Variants in FHIT observed in about 807,000 individuals in gnomAD.
FHIT encodes the protein bis(5'-adenosyl)-triphosphatase.
In FHIT, 19 loss-of-function variants were observed where a neutral mutation model predicts 17.9. The ratio of observed to expected loss-of-function variants is 1.06; its 90% confidence interval spans 0.74 to 1.56. The LOEUF is 1.56. FHIT is among the 40% of genes most tolerant of loss of function. The probability of loss-of-function intolerance (pLI) is 0.00; values close to 1 mark genes in which losing one functional copy is unlikely to be tolerated. For missense variants in FHIT, 248 were observed against 189.2 expected, an observed-to-expected ratio of 1.31 and a Z score of -1.82; for synonymous variants, 81 against 69.7, an observed-to-expected ratio of 1.16 and a Z score of -0.81.
At chr3:60,441,478 C>A (rs528736115) in intron 5 of FHIT, among the ~76,000 whole-genome samples, 1 of 151,746 alleles carries the variant, frequency 6.6e-6, no homozygotes, top group South Asian at 2.1e-4. Flanking sequence ...AATTTATCAT[C>A]TCAAACTTCT....
intron 5 of FHIT, among the ~76,000 whole-genome samples, chr3:60,051,870 A>C (rs562898268): frequency 5.3e-5 from 8 of 152,292 alleles, no homozygotes; most frequent in African/African-American, 1.9e-4. Context: ...ACAACTGCCT[A>C]ATCTGGGAAG....
At chr3:60,726,798 TG>T (rs2107976891) in intron 4 of FHIT, among the ~76,000 whole-genome samples, 1 of 152,268 alleles carries the variant, frequency 6.6e-6, no homozygotes, top group Admixed American at 6.5e-5. Flanking sequence ...ATGTGTAAAG[TG>T]CTAATTGACC....
chr3:60,122,262 G>A (rs1705293551), intron 5 of FHIT, among the ~76,000 whole-genome samples: 1 of 152,132 alleles, frequency 6.6e-6, no homozygotes, highest in Non-Finnish European at 1.5e-5. Context: ...ACAAAGAGTT[G>A]CTTACAACCA....
At chr3:60,522,109 T>C (rs576317137) in intron 5 of FHIT, among the ~76,000 whole-genome samples, 3 of 150,022 alleles carry the variant, frequency 2.0e-5, no homozygotes, top group African/African-American at 7.3e-5. Flanking sequence ...ACCAGAAGTT[T>C]TTTTTTTTTT....
At chr3:61,026,219 T>A (rs2032723841) in intron 3 of FHIT, among the ~76,000 whole-genome samples, 1 of 151,808 alleles carries the variant, frequency 6.6e-6, no homozygotes, top group Non-Finnish European at 1.5e-5. Flanking sequence ...GGTAAAGGAG[T>A]CAGCTTTGTA....
intron 5 of FHIT, among the ~76,000 whole-genome samples, chr3:60,374,110 T>C (rs1700446572): frequency 6.6e-6 from 1 of 152,206 alleles, no homozygotes; most frequent in Admixed American, 6.5e-5. Flanking sequence ...ATAACACATA[T>C]ATGACATTTG....
chr3:60,988,959 A>C (rs1252924096), intron 3 of FHIT, among the ~76,000 whole-genome samples: 5 of 147,770 alleles, frequency 3.4e-5, no homozygotes, highest in East Asian at 2.0e-4. Context: ...AAAAAAAAAA[A>C]AAAAAAAAAA....
chr3:61,090,857 G>A (rs867578200), intron 2 of FHIT, among the ~76,000 whole-genome samples: 17 of 152,038 alleles, frequency 1.1e-4, no homozygotes, highest in South Asian at 2.1e-4. Context: ...TTATTGTCAG[G>A]CACCAAAAGA....
intron 3 of FHIT, among the ~76,000 whole-genome samples, chr3:60,898,255 T>C (rs532014355): frequency 2.6e-5 from 4 of 152,210 alleles, no homozygotes; most frequent in Non-Finnish European, 5.9e-5. Flanking sequence ...AGACATAAAA[T>C]ATTGAACCAA....
chr3:61,166,583 G>A (rs1211227899), intron 2 of FHIT, among the ~76,000 whole-genome samples: 1 of 152,188 alleles, frequency 6.6e-6, no homozygotes, highest in Non-Finnish European at 1.5e-5. Context: ...TCTGCTGTAT[G>A]TTTGTTTGAT....
intron 5 of FHIT, among the ~76,000 whole-genome samples, chr3:60,520,803 G>C (rs1317129105): frequency 6.6e-6 from 1 of 152,036 alleles, no homozygotes; most frequent in Non-Finnish European, 1.5e-5. Context: ...AACCCCCTGA[G>C]GGTTTAATTT....
chr3:60,388,478 C>T (rs1028790335), intron 5 of FHIT, among the ~76,000 whole-genome samples: 8 of 152,004 alleles, frequency 5.3e-5, no homozygotes, highest in African/African-American at 1.7e-4. Context: ...GGTCACATGC[C>T]TGTAGACCCA....
chr3:60,288,149 G>C (rs1050974314), intron 5 of FHIT, among the ~76,000 whole-genome samples: 12 of 152,164 alleles, frequency 7.9e-5, no homozygotes, highest in Admixed American at 7.9e-4. Flanking sequence ...CTGTTGGAAA[G>C]AAACTTTATT....
intron 3 of FHIT, among the ~76,000 whole-genome samples, chr3:60,876,007 C>T (rs1386210270): frequency 1.3e-5 from 2 of 150,134 alleles, no homozygotes; most frequent in Non-Finnish European, 3.0e-5. Context: ...ATTTCCCAGG[C>T]CTCAATGCAA....
chr3:59,976,422 T>C (rs938657995), intron 7 of FHIT, among the ~76,000 whole-genome samples: 4 of 151,796 alleles, frequency 2.6e-5, no homozygotes, highest in Non-Finnish European at 5.9e-5. Context: ...AACAAACAAA[T>C]AACACCTCAA....
chr3:61,172,557 A>G (rs1187816896), intron 2 of FHIT, among the ~76,000 whole-genome samples: 1 of 152,236 alleles, frequency 6.6e-6, no homozygotes, highest in African/African-American at 2.4e-5. Flanking sequence ...GTATTATCCA[A>G]TTAAAACAAT....
At chr3:60,763,337 A>G (rs1164000156) in intron 4 of FHIT, among the ~76,000 whole-genome samples, 2 of 152,250 alleles carry the variant, frequency 1.3e-5, no homozygotes, top group Non-Finnish European at 2.9e-5. Context: ...ATAAAAAGTC[A>G]TTATAGAACA....
chr3:60,535,598 T>TA (rs397715929), intron 5 of FHIT, among the ~76,000 whole-genome samples: 2 of 152,020 alleles, frequency 1.3e-5, no homozygotes, highest in East Asian at 1.9e-4. Flanking sequence ...TGTTTTTTTT[T>TA]AATAAACAGA....
intron 4 of FHIT, among the ~76,000 whole-genome samples, chr3:60,667,443 T>C (rs1417793158): frequency 1.3e-5 from 2 of 152,332 alleles, no homozygotes; most frequent in African/African-American, 2.4e-5. Flanking sequence ...TGTTATTTTT[T>C]ATTTCTAGAA....
Sources: gnomAD v4.1 joint callset for allele counts (sites outside exome capture counted in the v4.1 genomes callset) on GRCh38, gnomAD v4.1.1 for gene constraint, MANE v1.5 for transcripts, NCBI Gene and HGNC (gene_info 2026-07-23, HGNC 2026-07-21) for gene names.